The following COG5 variants were observed in gnomAD, a reference collection of about 807,000 sequenced individuals.
COG5 encodes the protein conserved oligomeric Golgi complex subunit 5.
In COG5, 86 loss-of-function variants were observed where a neutral mutation model predicts 110.4. That is an observed-to-expected ratio of 0.78 (90% CI 0.65 to 0.93). The LOEUF is 0.93. COG5 is among the 40% of genes least tolerant of loss of function. The pLI is 0.00. For synonymous variants in COG5, 360 were observed against 334.6 expected, an observed-to-expected ratio of 1.08 and a Z score of -0.83; for missense variants, 1,077 against 987.0, an observed-to-expected ratio of 1.09 and a Z score of -1.22.
chr7:107,551,867 T>C lies in COG5; in HGVS notation c.292+2418A>G, dbSNP rs558659964. Among the ~76,000 whole-genome samples the C allele has an allele frequency of 6.6e-4, 101 of 152,336 alleles. 1 individual carries two copies. Among genetic ancestry groups the C allele is most frequent in the Middle Eastern group, 3.4e-3 (1 of 294 alleles). On this transcript the variant is annotated intron_variant, in intron 3 of 21. Transcript: ENST00000297135. ...CTGGGATCAAGTGAACCTCCCACCT[T>C]GGCCTCCCAGAGTGCTGGGATTATA...
At chr7:107,475,388 C>T (rs777548934) in intron 6 of COG5, 1 of 1,061,646 alleles carries the variant, frequency 9.4e-7, no homozygotes, top group Admixed American at 2.6e-5. Flanking sequence ...TCACCAAATC[C>T]ACATTCAAAT....
chr7:107,237,984 T>A lies in COG5; in HGVS notation c.1854-1297A>T, dbSNP rs78255338. On this transcript the variant is annotated intron_variant, in intron 17 of 21. Transcript: ENST00000297135. ...GTGCCAATCTATTTCATTTTTTTAATGTTTATTTTTGATGAATTATAATAA... is the reference window on the plus strand; with the variant it reads ...GTGCCAATCTATTTCATTTTTTTAAAGTTTATTTTTGATGAATTATAATAA... 8.7e-3 allele frequency among the ~76,000 whole-genome samples: 1,318 copies of A among 152,318 alleles called. 24 individuals are homozygous for A. The highest frequency in any genetic ancestry group is 0.029 in the African/African-American group (1,199 of 41,566).
chr7:107,354,659 A>G (rs1420666651), intron 10 of COG5, among the ~76,000 whole-genome samples: 2 of 152,218 alleles, frequency 1.3e-5, no homozygotes, highest in East Asian at 3.8e-4. Context: ...CTGGGCGACA[A>G]GAGTGAGACT....
chr7:107,445,185 A>G (rs1794934580), intron 6 of COG5, among the ~76,000 whole-genome samples: 1 of 152,072 alleles, frequency 6.6e-6, no homozygotes, highest in Non-Finnish European at 1.5e-5. Context: ...TGGGCAACAC[A>G]GCAAGACCCT....
At chr7:107,206,027 C>T (rs1426393295) in intron 21 of COG5, among the ~76,000 whole-genome samples, 5 of 151,156 alleles carry the variant, frequency 3.3e-5, no homozygotes, top group African/African-American at 9.7e-5. Context: ...GTGCCGCAAT[C>T]TTGGCTCACT....
Position 107,558,061 on chromosome 7 carries a change from T to A in COG5, c.149A>T (p.Gln50Leu). ...EDFDVKTYTS[Q>L]SIHQAVIAEQ... ...AGCAATTACAGCTTGATGAATAGATTGAGAAGTATAAGTCTTTACATCAAA... is the reference window on the plus strand; with the variant it reads ...AGCAATTACAGCTTGATGAATAGATAGAGAAGTATAAGTCTTTACATCAAA... Residue 50 changes from glutamine to leucine, a missense_variant, in exon 2 of 22, where the codon CAA becomes CTA. Gln to Leu is a moderately radical substitution (Grantham distance 113). Transcript: ENST00000297135. 6.2e-7 allele frequency: 1 copy of A among 1,613,992 alleles called. No homozygotes were observed. The highest frequency in any genetic ancestry group is 2.2e-5 in the East Asian group (1 of 44,836).
intron 6 of COG5, among the ~76,000 whole-genome samples, chr7:107,441,670 T>C (rs531601877): frequency 4.6e-5 from 7 of 152,206 alleles, no homozygotes; most frequent in Non-Finnish European, 8.8e-5. Context: ...TAACATATTT[T>C]CTAACCTTCC....
At chr7:107,363,719 G>A (rs1304178795) in intron 8 of COG5, among the ~76,000 whole-genome samples, 1 of 152,084 alleles carries the variant, frequency 6.6e-6, no homozygotes, top group Admixed American at 6.5e-5. Context: ...AACTTTGAGA[G>A]GCCAAGGTGG....
chr7:107,293,238 G>C (rs1806322042), intron 12 of COG5, among the ~76,000 whole-genome samples: 1 of 152,110 alleles, frequency 6.6e-6, no homozygotes, highest in South Asian at 2.1e-4. Context: ...CATTGCGTGG[G>C]AATTGGGCAC....
chr7:107,327,529 T>C (rs1254000805), intron 10 of COG5, among the ~76,000 whole-genome samples: 1 of 152,058 alleles, frequency 6.6e-6, no homozygotes, highest in African/African-American at 2.4e-5. Flanking sequence ...GGGGAAAACA[T>C]TTGCTAACCA....
rs145716045 is a variant in COG5 at position 107,367,274 on chromosome 7, C to T, written c.836-4854G>A. Among the ~76,000 whole-genome samples, 20 of 152,154 alleles carry T rather than the reference C, an allele frequency of 1.3e-4. No individual in the cohort carries two copies. The East Asian group carries it at 3.1e-3, about 24-fold the overall frequency. ...CTCAGAAAGCACAGTACCCATAAAA[C>T]ATTTTGAAAAATCAACTAGATTATG... On this transcript the variant is annotated intron_variant, in intron 8 of 21. Coordinates refer to ENST00000297135, the MANE Select transcript of COG5 (RefSeq NM_006348.5).
At position 107,548,164 on chromosome 7, in the gene COG5, C is replaced by T. The variant is rs759063795; in HGVS notation, c.364G>A (p.Val122Ile). 11 of 1,613,794 alleles carry T rather than the reference C, an allele frequency of 6.8e-6. No individual in the cohort carries two copies. In the Admixed American group the frequency reaches 1.2e-4, roughly 17 times the overall value. ...GCAACTATCTTATTGTATGGTTCAA[C>T]AATTTTTGCTTTTATCCTACAGGAA... ...GAVDRIKAKI[V>I]EPYNKIVART... The change falls in exon 5 of 22, where the codon GTT becomes ATT. Residue 122 changes from valine to isoleucine, a missense_variant. Transcript: ENST00000297135.
chr7:107,274,911 A>T (rs1001264000), intron 14 of COG5, among the ~76,000 whole-genome samples: 1 of 152,096 alleles, frequency 6.6e-6, no homozygotes, highest in African/African-American at 2.4e-5. Flanking sequence ...AGCCCCCAGA[A>T]AATCAAGCTC....
chr7:107,344,013 C>T (rs981516801), intron 10 of COG5, among the ~76,000 whole-genome samples: 3 of 151,898 alleles, frequency 2.0e-5, no homozygotes, highest in Non-Finnish European at 4.4e-5. Context: ...TTCTTAAAGG[C>T]CCTAGGATTT....
chr7:107,458,072 A>G (rs1795773922), intron 6 of COG5, among the ~76,000 whole-genome samples: 1 of 152,250 alleles, frequency 6.6e-6, no homozygotes, highest in Non-Finnish European at 1.5e-5. Flanking sequence ...TCAGAAACCA[A>G]GCATGCCATA....
chr7:107,405,891 A>G (rs373119263), intron 7 of COG5, among the ~76,000 whole-genome samples: 63 of 152,298 alleles, frequency 4.1e-4, no homozygotes, highest in African/African-American at 1.4e-3. Context: ...ACACATCAAG[A>G]GGGCATCATT....
chr7:107,210,970 T>C, intron 20 of COG5, 129 bp downstream of exon 20: 1 of 1,125,678 alleles, frequency 8.9e-7, no homozygotes, highest in Non-Finnish European at 1.3e-6. Context: ...CTATTCACTG[T>C]CAAAGATAGA....
intron 10 of COG5, among the ~76,000 whole-genome samples, chr7:107,334,933 A>G (rs1467436597): frequency 1.3e-5 from 2 of 152,206 alleles, no homozygotes; most frequent in Non-Finnish European, 2.9e-5. Context: ...CACATCTATG[A>G]AAAACAATAA....
chr7:107,223,400 G>A (rs1161830636), intron 19 of COG5, among the ~76,000 whole-genome samples: 3 of 152,166 alleles, frequency 2.0e-5, no homozygotes, highest in Non-Finnish European at 4.4e-5. Flanking sequence ...GGCTGATTTG[G>A]GTTCAAAGTA....
Sources: allele counts gnomAD v4.1 joint callset (sites outside exome capture counted in the v4.1 genomes callset), GRCh38; gene constraint gnomAD v4.1.1; transcripts MANE v1.5; gene names NCBI Gene and HGNC (gene_info 2026-07-23, HGNC 2026-07-21).